Variants in FBXO15 observed in about 807,000 individuals in gnomAD.
The protein encoded by FBXO15 is F-box only protein 15.
FBXO15 carries 30 observed loss-of-function variants against 49.5 expected under a neutral mutation model. The ratio of observed to expected loss-of-function variants is 0.61; its 90% CI spans 0.45 to 0.82. The LOEUF (loss-of-function observed/expected upper bound fraction) is 0.82. Among genes scored for constraint, FBXO15 ranks in the 40% least tolerant of loss-of-function variants. The probability of loss-of-function intolerance (pLI) is 0.00; values close to 1 mark genes in which losing one functional copy is unlikely to be tolerated. For missense variants in FBXO15, 591 were observed against 631.5 expected (o/e 0.94, Z 0.69); for synonymous variants, 250 against 232.7 (o/e 1.07, Z -0.68).
intron 7 of FBXO15, among the ~76,000 whole-genome samples, chr18:74,124,144 T>C (rs1250992553): frequency 2.6e-5 from 4 of 152,156 alleles, no homozygotes; most frequent in African/African-American, 9.6e-5. Context: ...CAGGCCAGGT[T>C]CAGCCCAAGG....
rs979617310 is a variant in FBXO15 at position 74,146,331 on chromosome 18, G to C, written c.116+1339C>G. Among the ~76,000 whole-genome samples, 5 of 152,284 alleles carry C rather than the reference G, an allele frequency of 3.3e-5. No individual in the cohort carries two copies. The East Asian group carries it at 9.6e-4, about 29-fold the overall frequency. On this transcript the variant is annotated intron_variant, in intron 1 of 9. Coordinates refer to ENST00000419743, the MANE Select transcript of FBXO15 (RefSeq NM_001142958.2). ...ATAGTCAATCATTCTATTTTTAGCA[G>C]CGGACTTTTCTTTACCAAAAATAAT...
At chr18:74,088,451 A>T (rs995689290) in intron 8 of FBXO15, among the ~76,000 whole-genome samples, 5 of 152,182 alleles carry the variant, frequency 3.3e-5, no homozygotes, top group Non-Finnish European at 7.3e-5. Context: ...TCATTTATTG[A>T]ATAGGAAGTC....
chr18:74,133,181 G>T (rs983225850), intron 3 of FBXO15, among the ~76,000 whole-genome samples: 8 of 152,288 alleles, frequency 5.3e-5, no homozygotes, highest in African/African-American at 1.9e-4. Flanking sequence ...CCTAAAAAGT[G>T]CAATTCAACT....
chr18:74,116,375 C>T (rs1233037576), intron 8 of FBXO15, among the ~76,000 whole-genome samples: 1 of 152,144 alleles, frequency 6.6e-6, no homozygotes, highest in Non-Finnish European at 1.5e-5. Context: ...TTTTTAGATG[C>T]TACTTTGCAA....
At chr18:74,082,203 G>A in intron 8 of FBXO15, 152 bp from the exon 9 acceptor site, 1 of 592,884 alleles carries the variant, frequency 1.7e-6, no homozygotes, top group Non-Finnish European at 2.7e-6. Flanking sequence ...CCCAGCCTCT[G>A]GCTTGAGGCC....
At chr18:74,143,313 A>G (rs1207973767) in intron 1 of FBXO15, among the ~76,000 whole-genome samples, 2 of 152,218 alleles carry the variant, frequency 1.3e-5, no homozygotes, top group African/African-American at 4.8e-5. Context: ...CAAGAGAACC[A>G]AAGAAAAGTA....
rs60236226 is a variant in FBXO15 at position 74,111,261 on chromosome 18, C to CA, written c.1138+12106dup. On this transcript the variant is annotated intron_variant, in intron 8 of 9. Transcript: ENST00000419743. ...AGGCAGATCACCTGAGTCTCTGTCTCAAAAAAAAAAAAAAAAAGAAAAAAA... is the reference window on the plus strand; with the variant it reads ...AGGCAGATCACCTGAGTCTCTGTCTCAAAAAAAAAAAAAAAAAAGAAAAAAA... Among the ~76,000 whole-genome samples the CA allele has an allele frequency of 8.2e-3, 691 of 84,000 alleles. 5 individuals carry two copies. The highest frequency in any genetic ancestry group is 0.017 in the African/African-American group (457 of 26,378). The allele number at this position is 84,000 out of a possible 152,430, so 55.1% of individuals were successfully genotyped here. A position where few individuals can be genotyped will look rare whatever the true frequency, so the allele number is the denominator to read the frequency against.
rs140917101 is a variant in FBXO15 at position 74,115,010 on chromosome 18, G to A, written c.1138+8358C>T. Among the ~76,000 whole-genome samples the A allele has an allele frequency of 8.4e-3, 1,280 of 152,298 alleles. 9 individuals are homozygous for A. Among genetic ancestry groups the A allele is most frequent in the Middle Eastern group, 0.037 (11 of 294 alleles). On this transcript the variant is annotated intron_variant, in intron 8 of 9. Coordinates refer to ENST00000419743, the MANE Select transcript of FBXO15 (RefSeq NM_001142958.2). ...TCCCTAGACACAGCTTCTTACTGAG[G>A]GAGATAATGTCTAGAAGCATGAGCA... is the stretch of plus-strand genomic sequence containing the variant.
intron 1 of FBXO15, among the ~76,000 whole-genome samples, chr18:74,145,099 C>T (rs1386388998): frequency 6.6e-6 from 1 of 152,078 alleles, no homozygotes. Context: ...GTACCAAATG[C>T]TTTTCCCTAA....
intron 8 of FBXO15, among the ~76,000 whole-genome samples, chr18:74,091,340 C>CT (rs1297806838): frequency 1.1e-4 from 17 of 152,138 alleles, no homozygotes; most frequent in Non-Finnish European, 1.6e-4. Context: ...TCTTGCTTCT[C>CT]TAAATCCACT....
At chr18:74,088,561 T>C (rs1912856591) in intron 8 of FBXO15, among the ~76,000 whole-genome samples, 1 of 152,226 alleles carries the variant, frequency 6.6e-6, no homozygotes, top group Non-Finnish European at 1.5e-5. Flanking sequence ...CATTGGTCTA[T>C]GTGTCTGTTT....
At chr18:74,115,702 A>G (rs1199555179) in intron 8 of FBXO15, among the ~76,000 whole-genome samples, 2 of 152,260 alleles carry the variant, frequency 1.3e-5, no homozygotes, top group African/African-American at 4.8e-5. Context: ...CTTTTAAAGG[A>G]TGAAGATATA....
intron 8 of FBXO15, among the ~76,000 whole-genome samples, chr18:74,089,640 T>C (rs1912928229): frequency 6.6e-6 from 1 of 152,230 alleles, no homozygotes; most frequent in Non-Finnish European, 1.5e-5. Context: ...TGATGTTGAA[T>C]TTTATCAAAA....
At chr18:74,105,405 G>A (rs1306933568) in intron 8 of FBXO15, among the ~76,000 whole-genome samples, 4 of 151,976 alleles carry the variant, frequency 2.6e-5, no homozygotes, top group African/African-American at 9.7e-5. Flanking sequence ...CTGAAAATAT[G>A]TACATCTATT....
At chr18:74,105,077 T>G (rs1913690138) in intron 8 of FBXO15, among the ~76,000 whole-genome samples, 1 of 152,144 alleles carries the variant, frequency 6.6e-6, no homozygotes, top group Non-Finnish European at 1.5e-5. Context: ...AAAACAAATA[T>G]TGCACGTTCT....
rs375141828 is a variant in FBXO15, at chr18:74,091,846, T to A, written c.1139-9795A>T. The stretch of plus-strand genomic sequence containing the variant: ...TTCATTTTGACCTTGGAGAATCCGA[T>A]GACTACATGTCTTGGGGATGGTCTT... On this transcript the variant is annotated intron_variant, in intron 8 of 9. Transcript: ENST00000419743. 3.6e-4 allele frequency among the ~76,000 whole-genome samples: 55 copies of A among 152,326 alleles called. 1 individual carries two copies. In the South Asian group the frequency reaches 0.011, roughly 29 times the overall value.
At chr18:74,084,056 C>T (rs1912617888) in intron 8 of FBXO15, among the ~76,000 whole-genome samples, 1 of 152,210 alleles carries the variant, frequency 6.6e-6, no homozygotes, top group Non-Finnish European at 1.5e-5. Context: ...AAACCCTGTT[C>T]TGTGTCCAGA....
chr18:74,106,587 T>C lies in FBXO15; in HGVS notation c.1138+16781A>G, dbSNP rs563780369. 2.6e-5 allele frequency among the ~76,000 whole-genome samples: 4 copies of C among 152,274 alleles called. No individual in the cohort carries two copies. In the East Asian group the frequency reaches 7.7e-4, roughly 29 times the overall value. On this transcript the variant is annotated intron_variant, in intron 8 of 9. Transcript: ENST00000419743. ...CAAGCAAGGACACTGTGGTAATTGA[T>C]TAAGGTTAAACACATAGTTAAGAGG...
intron 8 of FBXO15, among the ~76,000 whole-genome samples, chr18:74,111,059 G>A (rs925303651): frequency 1.3e-5 from 2 of 151,668 alleles, no homozygotes; most frequent in Non-Finnish European, 2.9e-5. Context: ...AAATCAACGG[G>A]GTATAATGAA....
Sources: gnomAD v4.1 joint callset for allele counts (sites outside exome capture counted in the v4.1 genomes callset) on GRCh38, gnomAD v4.1.1 for gene constraint, MANE v1.5 for transcripts, NCBI Gene and HGNC (gene_info 2026-07-23, HGNC 2026-07-21) for gene names.